The following ZNF436 variants were observed in gnomAD, a reference collection of about 807,000 sequenced individuals.
The protein encoded by ZNF436 is zinc finger protein 436, also known as DNA-binding protein.
ZNF436 carries 22 observed loss-of-function variants against 41.9 expected under a neutral mutation model. The observed-to-expected ratio is 0.53, with a 90% CI of 0.38 to 0.75. ZNF436 has a LOEUF of 0.75. Among genes scored for constraint, ZNF436 ranks in the 30% least tolerant of loss-of-function variants. The pLI, the probability that ZNF436 is intolerant of heterozygous loss-of-function variation, is 0.00. For synonymous variants in ZNF436, 217 were observed against 197.8 expected (o/e 1.10, Z -0.82); for missense variants, 506 against 587.3 (o/e 0.86, Z 1.43).
intron 3 of ZNF436, among the ~76,000 whole-genome samples, chr1:23,364,349 T>A (rs1638312507): frequency 6.6e-6 from 1 of 152,216 alleles, no homozygotes; most frequent in African/African-American, 2.4e-5. Flanking sequence ...GCGATTCTCC[T>A]GCCTCATCTT....
At position 23,363,160 on chromosome 1, in the gene ZNF436, T is replaced by C. The variant is rs745363552; in HGVS notation, c.222A>G (p.Gln74=). 12 of 1,614,066 alleles carry C rather than the reference T, an allele frequency of 7.4e-6. No homozygotes were observed. The South Asian group carries it at 9.9e-5, about 13-fold the overall frequency. Residue 74 remains glutamine (Q), a synonymous_variant, in exon 4 of 4, where the codon CAA becomes CAG. Coordinates refer to ENST00000314011, the MANE Select transcript of ZNF436 (RefSeq NM_001077195.2). ...NPKQEISEDV[Q]FGTTSERPAE... ...CAGGTCTTTCAGATGTAGTCCCAAATTGTACATCTTCACTAATCTCTTGCT... is the reference window on the plus strand; with the variant it reads ...CAGGTCTTTCAGATGTAGTCCCAAACTGTACATCTTCACTAATCTCTTGCT...
Position 23,369,475 on chromosome 1 carries a change from A to G in ZNF436, c.-170T>C, listed in dbSNP as rs1397733436. ...CAGACCTGGCGTTCAGGAAGATTCTAGAGAGCACGGGCAGGTCCCGGAGGT... is the reference window on the plus strand; with the variant it reads ...CAGACCTGGCGTTCAGGAAGATTCTGGAGAGCACGGGCAGGTCCCGGAGGT... On this transcript the variant is annotated 5_prime_UTR_variant, in exon 1 of 4. An upstream open reading frame in the 5' UTR loses its in-frame stop. Transcript: ENST00000314011. The G allele has an allele frequency of 1.9e-6, 1 of 533,188 alleles. No homozygotes were observed. Among genetic ancestry groups the G allele is most frequent in the Non-Finnish European group, 3.9e-6 (1 of 258,742 alleles). 33.0% of individuals were successfully genotyped at this position (533,188 alleles called of 1,614,324 possible). A position where few individuals can be genotyped will look rare whatever the true frequency, so the allele number is the denominator to read the frequency against.
At chr1:23,369,268 C>A in intron 1 of ZNF436, 98 bp downstream of exon 1, 1 of 465,582 alleles carries the variant, frequency 2.1e-6, no homozygotes, top group Non-Finnish European at 4.5e-6. Context: ...CCCTGGGCGT[C>A]TGAGGCCCTG....
intron 3 of ZNF436, among the ~76,000 whole-genome samples, chr1:23,365,119 C>T (rs1461015279): frequency 2.0e-5 from 3 of 151,892 alleles, no homozygotes; most frequent in African/African-American, 4.8e-5. Flanking sequence ...GCAGGCCGGG[C>T]GCGGTGGCTC....
At chr1:23,365,471 T>C (rs931250843) in intron 3 of ZNF436, among the ~76,000 whole-genome samples, 1 of 152,006 alleles carries the variant, frequency 6.6e-6, no homozygotes. Flanking sequence ...CCTAGCACTT[T>C]GGGAGGCCGA....
In ZNF436 at chr1:23,367,075, T is replaced by C; in HGVS notation, c.127A>G (p.Met43Val). 2 of 1,613,972 alleles carry C rather than the reference T, an allele frequency of 1.2e-6. No individual in the cohort carries two copies. Among genetic ancestry groups the C allele is most frequent in the Non-Finnish European group, 8.5e-7 (1 of 1,179,926 alleles). Residue 43 changes from methionine to valine, a missense_variant, in exon 3 of 4, where the codon ATG (methionine) becomes GTG (valine). By Grantham distance (21) the Met-to-Val change is conservative. Transcript: ENST00000314011. ...ACAACATTTCCATAATTCTCCTGCA[T>C]AACATCCCGGTAAAGGTCCCTCTGT... Reference protein sequence around the residue: ...AAQRDLYRDVMQENYGNVVSL... With the variant: ...AAQRDLYRDVVQENYGNVVSL...
At chr1:23,369,209 A>C (rs1035179375) in intron 1 of ZNF436, 157 bp downstream of exon 1, 2 of 417,988 alleles carry the variant, frequency 4.8e-6, no homozygotes, top group African/African-American at 4.1e-5. Context: ...AGCGTCCCAG[A>C]GGGCTTGTCT....
At chr1:23,366,896 C>G (rs2148530903) in intron 3 of ZNF436, 146 bp downstream of exon 3, 1 of 881,962 alleles carries the variant, frequency 1.1e-6, no homozygotes, top group East Asian at 2.7e-5. Flanking sequence ...TTCCCATATT[C>G]AAAGATCTGC....
chr1:23,361,876 A>T lies in ZNF436; in HGVS notation c.*93T>A. 7.6e-7 allele frequency: 1 copy of T among 1,321,562 alleles called. No homozygotes were observed. The highest frequency in any genetic ancestry group is 1.0e-6 in the Non-Finnish European group (1 of 972,310). 81.9% of individuals were successfully genotyped at this position (1,321,562 alleles called of 1,614,324 possible). On this transcript the variant is annotated 3_prime_UTR_variant, in exon 4 of 4. Transcript: ENST00000314011. ...AATCGTGGCCCACAACTAGGAGAGTATGATAAAAGCAGCTCAGTCTTGAGG... is the reference window on the plus strand; with the variant it reads ...AATCGTGGCCCACAACTAGGAGAGTTTGATAAAAGCAGCTCAGTCTTGAGG...
intron 2 of ZNF436, 147 bp from the exon 3 acceptor site, chr1:23,367,315 T>C (rs1253402402): frequency 1.0e-6 from 1 of 983,518 alleles, no homozygotes; most frequent in Non-Finnish European, 1.4e-6. Context: ...AGAGATGTGG[T>C]AAAGAAGGCA....
chr1:23,359,461 T>C lies in ZNF436; in HGVS notation c.*2508A>G, dbSNP rs1289654323. 1.3e-5 allele frequency: 2 copies of C among 152,200 alleles called. No homozygotes were observed. The highest frequency in any genetic ancestry group is 2.9e-5 in the Non-Finnish European group (2 of 68,036). 9.4% of individuals were successfully genotyped at this position (152,200 alleles called of 1,614,324 possible). A position where few individuals can be genotyped will look rare whatever the true frequency, so the allele number is the denominator to read the frequency against. ...TCTCAGGTTTGCTGACTTTAAAAAT[T>C]ATATTTTTAATTATAGAATATTGTT... is the stretch of plus-strand genomic sequence containing the variant. On this transcript the variant is annotated 3_prime_UTR_variant, in exon 4 of 4. Transcript: ENST00000314011.
rs1456039770 is a variant in ZNF436 at position 23,360,686 on chromosome 1, A to C, written c.*1283T>G. The C allele has an allele frequency of 6.6e-6, 1 of 152,666 alleles. No homozygotes were observed. The highest frequency in any genetic ancestry group is 2.4e-5 in the African/African-American group (1 of 41,452). 9.5% of individuals were successfully genotyped at this position (152,666 alleles called of 1,614,324 possible). A position where few individuals can be genotyped will look rare whatever the true frequency, so the allele number is the denominator to read the frequency against. On this transcript the variant is annotated 3_prime_UTR_variant, in exon 4 of 4. Coordinates refer to ENST00000314011, the MANE Select transcript of ZNF436 (RefSeq NM_001077195.2). ...GAAGATAATTCATTCTGAGAATAGGACAATCGACCTATTTGTCTGGTCATT... is the reference window on the plus strand; with the variant it reads ...GAAGATAATTCATTCTGAGAATAGGCCAATCGACCTATTTGTCTGGTCATT...
At chr1:23,367,504 C>G (rs74604196) in intron 2 of ZNF436, among the ~76,000 whole-genome samples, 1 of 152,278 alleles carries the variant, frequency 6.6e-6, no homozygotes, top group African/African-American at 2.4e-5. Flanking sequence ...AATTCTACTA[C>G]TCTTTAAGGT....
chr1:23,362,365 A>G lies in ZNF436; in HGVS notation c.1017T>C (p.Cys339=). The G allele has an allele frequency of 5.6e-6, 9 of 1,613,820 alleles. No individual in the cohort carries two copies. Among genetic ancestry groups the G allele is most frequent in the Non-Finnish European group, 7.6e-6 (9 of 1,180,004 alleles). The change falls in exon 4 of 4, where the codon TGT becomes TGC. Residue 339 remains cysteine (C), a synonymous_variant. Transcript: ENST00000314011. The part of the protein sequence containing the change: ...TGEKPYHCNE[C]GENFSRISHL... ...GTGAGATGCGGCTGAAATTTTCCCC[A>G]CATTCGTTACAGTGGTATGGCTTCT...
Position 23,367,043 on chromosome 1 carries a change from T to A in ZNF436, c.159A>T (p.Leu53=). Residue 53 remains leucine, a splice_region_variant and synonymous_variant, in exon 3 of 4, where the codon CTA becomes CTT. Transcript: ENST00000314011. ...MQENYGNVVS[L]DFEIRSENEV... ...AAGAAAGGTAGAATCCTTACTTACC[T>A]AGTGAGACAACATTTCCATAATTCT... 1 of 1,612,860 alleles carries A rather than the reference T, an allele frequency of 6.2e-7. No individual in the cohort carries two copies. Among genetic ancestry groups the A allele is most frequent in the Non-Finnish European group, 8.5e-7 (1 of 1,179,512 alleles).
Position 23,369,811 on chromosome 1 carries a change from G to T in ZNF436, c.-506C>A. On this transcript the variant is annotated 5_prime_UTR_variant, in exon 1 of 4. In the 5' UTR this introduces an upstream ATG that the reference lacks. Coordinates refer to ENST00000314011, the MANE Select transcript of ZNF436 (RefSeq NM_001077195.2). ...CATTCTGCGTGGGGAAGAGCTCCCA[G>T]CTCGCTGTAGCCTTGGAGAGGGAAG... 1 of 329,942 alleles carries T rather than the reference G, an allele frequency of 3.0e-6. No individual in the cohort carries two copies. The highest frequency in any genetic ancestry group is 6.4e-6 in the Non-Finnish European group (1 of 155,570). The allele number at this position is 329,942 out of a possible 1,614,324, so 20.4% of individuals were successfully genotyped here.
chr1:23,362,561 C>A lies in ZNF436; in HGVS notation c.821G>T (p.Gly274Val). Residue 274 changes from glycine (G) to valine (V), a missense_variant, in exon 4 of 4, where the codon GGT (glycine) becomes GTT (valine). Physicochemically the swap from Gly to Val is moderately radical, Grantham distance 109. Around this residue, in one of 2 missense-constraint regions of ZNF436, gnomAD observed 278 missense variants for 372.1 expected, o/e 0.75. Coordinates refer to ENST00000314011, the MANE Select transcript of ZNF436 (RefSeq NM_001077195.2). ...HLAQHQRTHT[G>V]EKPYECNECG... is the part of the protein sequence containing the mutation. Reference sequence around the variant, plus strand: ...TTCGTTACATTCATAAGGTTTCTCACCCGTGTGGGTCCTCTGGTGCTGAGC... The same window carrying A: ...TTCGTTACATTCATAAGGTTTCTCAACCGTGTGGGTCCTCTGGTGCTGAGC... 6.2e-7 allele frequency: 1 copy of A among 1,614,018 alleles called. No individual in the cohort carries two copies. The highest frequency in any genetic ancestry group is 8.5e-7 in the Non-Finnish European group (1 of 1,179,978).
At position 23,369,649 on chromosome 1, in the gene ZNF436, G is replaced by A. The variant is rs751011652; in HGVS notation, c.-344C>T. On this transcript the variant is annotated 5_prime_UTR_variant, in exon 1 of 4. Transcript: ENST00000314011. ...TCATAGGCAGATCCCTGAGACCACA[G>A]AGGCTGGCCGAGAAACCACCAGCAA... 4 of 492,004 alleles carry A rather than the reference G, an allele frequency of 8.1e-6. No individual in the cohort carries two copies. The highest frequency in any genetic ancestry group is 1.7e-5 in the Non-Finnish European group (4 of 232,848). The allele number at this position is 492,004 out of a possible 1,614,324, so 30.5% of individuals were successfully genotyped here.
chr1:23,363,961 G>A (rs137881155), intron 3 of ZNF436, among the ~76,000 whole-genome samples: 2 of 152,200 alleles, frequency 1.3e-5, no homozygotes, highest in Non-Finnish European at 2.9e-5. Flanking sequence ...AGGATCACTT[G>A]AGCCCAGGAG....
Sources: gnomAD v4.1 joint callset for allele counts (sites outside exome capture counted in the v4.1 genomes callset) on GRCh38, gnomAD v4.1.1 for gene constraint, gnomAD v4.1.1 regional missense constraint, MANE v1.5 for transcripts, NCBI Gene and HGNC (gene_info 2026-07-23, HGNC 2026-07-21) for gene names.